Variants in LRRC63 observed in about 807,000 individuals in gnomAD.
LRRC63 encodes leucine-rich repeat-containing protein 63.
A neutral mutation model predicts 49.5 loss-of-function variants in LRRC63; 40 were observed. That is an observed-to-expected ratio of 0.81 (90% CI 0.63 to 1.05). LRRC63 has a LOEUF of 1.05. Among genes scored for constraint, LRRC63 ranks in the 50% least tolerant of loss-of-function variants. The pLI is 0.00. For synonymous variants in LRRC63, 191 were observed against 221.1 expected, an observed-to-expected ratio of 0.86 and a Z score of 1.21; for missense variants, 636 against 663.1, an observed-to-expected ratio of 0.96 and a Z score of 0.45.
chr13:46,250,249 G>A, intron 6 of LRRC63, 106 bp from the exon 7 acceptor site: 2 of 1,005,058 alleles, frequency 2.0e-6, no homozygotes, highest in South Asian at 1.8e-5. Context: ...AATTAATGTT[G>A]CTATAATGAT....
chr13:46,221,903 T>A (rs1240107473), intron 2 of LRRC63, among the ~76,000 whole-genome samples: 1 of 152,188 alleles, frequency 6.6e-6, no homozygotes, highest in African/African-American at 2.4e-5. Flanking sequence ...TAGAGCAACA[T>A]GGAATGGCTA....
chr13:46,258,573 G>T (rs1306461895), intron 7 of LRRC63, among the ~76,000 whole-genome samples: 3 of 150,914 alleles, frequency 2.0e-5, no homozygotes, highest in African/African-American at 7.3e-5. Flanking sequence ...ACTTTGGGAG[G>T]CCGGGGTGGG....
chr13:46,212,537 G>A (rs1025259005), intron 1 of LRRC63, among the ~76,000 whole-genome samples: 8 of 152,134 alleles, frequency 5.3e-5, no homozygotes, highest in Admixed American at 5.2e-4. Flanking sequence ...GTTTGTGAAT[G>A]GTTAGATATG....
chr13:46,250,210 G>T, intron 6 of LRRC63, 145 bp from the exon 7 acceptor site: 1 of 645,560 alleles, frequency 1.5e-6, no homozygotes, highest in Non-Finnish European at 2.5e-6. Flanking sequence ...GGTTGACCGA[G>T]GGTGTTTACT....
chr13:46,237,718 G>C (rs1364807912), intron 5 of LRRC63, among the ~76,000 whole-genome samples: 2 of 152,042 alleles, frequency 1.3e-5, no homozygotes, highest in African/African-American at 4.8e-5. Context: ...AAGTAAAAGA[G>C]AGAGAATGTA....
intron 4 of LRRC63, among the ~76,000 whole-genome samples, chr13:46,231,662 A>C (rs1441795472): frequency 2.6e-5 from 4 of 151,998 alleles, no homozygotes; most frequent in Non-Finnish European, 5.9e-5. Flanking sequence ...GGCATGCACC[A>C]CCATGCCCAG....
chr13:46,253,109 T>C (rs914234165), intron 7 of LRRC63, among the ~76,000 whole-genome samples: 2 of 151,784 alleles, frequency 1.3e-5, no homozygotes, highest in African/African-American at 4.8e-5. Flanking sequence ...ACCAAGGCAA[T>C]GGTAGTGAGC....
intron 5 of LRRC63, among the ~76,000 whole-genome samples, chr13:46,240,396 G>A (rs2047027639): frequency 6.6e-6 from 1 of 151,870 alleles, no homozygotes; most frequent in African/African-American, 2.4e-5. Flanking sequence ...CAAAGTGCTG[G>A]GATTACAGGT....
intron 2 of LRRC63, among the ~76,000 whole-genome samples, chr13:46,225,240 C>T (rs1354483385): frequency 6.6e-6 from 1 of 152,238 alleles, no homozygotes; most frequent in East Asian, 1.9e-4. Flanking sequence ...CTTCTGCTCT[C>T]TGCAGCAGCA....
chr13:46,238,872 A>G (rs963086025), intron 5 of LRRC63, among the ~76,000 whole-genome samples: 2 of 152,266 alleles, frequency 1.3e-5, no homozygotes, highest in African/African-American at 4.8e-5. Flanking sequence ...AAATTAAATG[A>G]CATGCTCCTG....
In LRRC63 at chr13:46,228,169, CT is replaced by C; in HGVS notation, c.744del (p.His249ThrfsTer5). 1 of 1,547,788 alleles carries C rather than the reference CT, an allele frequency of 6.5e-7. No homozygotes were observed. Among genetic ancestry groups the C allele is most frequent in the Non-Finnish European group, 8.7e-7 (1 of 1,145,512 alleles). On this transcript the variant is annotated frameshift_variant, in exon 3 of 10. Coordinates refer to ENST00000595396, the Ensembl canonical transcript of LRRC63. LOFTEE classifies it high-confidence loss of function. ...CCAACACCAGTTTTACCAAGAAAAC[CT>C]CACAGGCAGTCTGTGATAGGTAAAT... is the stretch of plus-strand genomic sequence containing the variant.
At chr13:46,251,018 G>A (rs547620113) in intron 7 of LRRC63, among the ~76,000 whole-genome samples, 1 of 151,912 alleles carries the variant, frequency 6.6e-6, no homozygotes, top group African/African-American at 2.4e-5. Flanking sequence ...TTCTTCCCAC[G>A]TATGGACTAG....
At chr13:46,227,904 A>G (rs1448260316) in exon 3 of LRRC63, 1 of 1,550,638 alleles carries the variant, frequency 6.4e-7, no homozygotes, top group Admixed American at 2.0e-5. Context: ...TTCCAAACCT[A>G]AAAGTACTCC....
rs764897861 is a variant in LRRC63, at chr13:46,212,989, C to T, written c.-33-13C>T. On this transcript the variant is annotated splice_polypyrimidine_tract_variant and intron_variant, in intron 1 of 9. Transcript: ENST00000595396. ...ACATATTCAAAACCTTTTCAATTCT[C>T]ATTTAAACCAAGGATTATGAAAAAC... is the stretch of plus-strand genomic sequence containing the variant. 1.6e-6 allele frequency: 2 copies of T among 1,274,922 alleles called. No homozygotes were observed. The highest frequency in any genetic ancestry group is 2.2e-6 in the Non-Finnish European group (2 of 911,730). 79.0% of individuals were successfully genotyped at this position (1,274,922 alleles called of 1,614,324 possible).
chr13:46,252,191 G>A (rs1009322647), intron 7 of LRRC63, among the ~76,000 whole-genome samples: 32 of 151,908 alleles, frequency 2.1e-4, no homozygotes, highest in Non-Finnish European at 1.3e-4. Flanking sequence ...AACTCACCAG[G>A]AGGGCACTTA....
intron 4 of LRRC63, among the ~76,000 whole-genome samples, chr13:46,231,772 C>G (rs2046765091): frequency 6.6e-6 from 1 of 150,870 alleles, no homozygotes; most frequent in Non-Finnish European, 1.5e-5. Context: ...TCCCAAAGTG[C>G]TGGGATTACA....
chr13:46,228,593 T>G, intron 3 of LRRC63, 72 bp from the exon 4 acceptor site: 1 of 852,666 alleles, frequency 1.2e-6, no homozygotes, highest in East Asian at 2.6e-5. Flanking sequence ...ACAATTATAT[T>G]GAAGTCATAA....
At chr13:46,236,224 AAGAG>A (rs1372636321) in intron 5 of LRRC63, among the ~76,000 whole-genome samples, 1 of 151,546 alleles carries the variant, frequency 6.6e-6, no homozygotes, top group Admixed American at 6.6e-5. Context: ...TGGAGAAAAG[AAGAG>A]AGAGAGAGAG....
chr13:46,231,367 G>A (rs1046026813), intron 4 of LRRC63, among the ~76,000 whole-genome samples: 10 of 152,218 alleles, frequency 6.6e-5, no homozygotes, highest in Admixed American at 5.9e-4. Flanking sequence ...GGCTATACAA[G>A]CGTAGTTATG....
Sources: allele counts gnomAD v4.1 joint callset (sites outside exome capture counted in the v4.1 genomes callset), GRCh38; gene constraint gnomAD v4.1.1; transcripts MANE v1.5; gene names NCBI Gene and HGNC (gene_info 2026-07-23, HGNC 2026-07-21).